Variants in CARD16 observed in about 807,000 individuals in gnomAD.
The protein encoded by CARD16 is caspase recruitment domain family member 16, also known as caspase recruitment domain-containing protein 16.
A neutral mutation model predicts 11.9 loss-of-function variants in CARD16; 8 were observed. That is an observed-to-expected ratio of 0.67 (90% confidence interval 0.39 to 1.21). CARD16 has a LOEUF of 1.21. CARD16 is among the 50% of genes most tolerant of loss of function. The probability of loss-of-function intolerance (pLI) is 0.01; values close to 1 mark genes in which losing one functional copy is unlikely to be tolerated. For missense variants in CARD16, 131 were observed against 118.1 expected (o/e 1.11, Z -0.51); for synonymous variants, 44 against 43.8 (o/e 1.00, Z -0.02).
At chr11:105,044,167 C>G in intron 2 of CARD16, 2 of 663,512 alleles carry the variant, frequency 3.0e-6, no homozygotes, top group Non-Finnish European at 2.5e-6. Flanking sequence ...AATTAGCTAC[C>G]ATGTACTCAG....
rs1354374781 is a variant in CARD16, at chr11:105,041,700, G to C, written c.*63C>G. On this transcript the variant is annotated 3_prime_UTR_variant, in exon 4 of 4. Coordinates refer to ENST00000673097, the MANE Select transcript of CARD16 (RefSeq NM_052889.4). ...TTGAGCATGTGGGCATAGCTGGGTT[G>C]TCCTGCACTGCCTGAAGAGCTGCAA... The C allele has an allele frequency of 1.9e-6, 3 of 1,613,708 alleles. No individual in the cohort carries two copies. The African/African-American group carries it at 4.0e-5, about 22-fold the overall frequency.
rs1864112814 is a variant in CARD16, at chr11:105,041,567, T to C, written c.*196A>G. On this transcript the variant is annotated 3_prime_UTR_variant, in exon 4 of 4. Transcript: ENST00000673097. The stretch of plus-strand genomic sequence containing the variant: ...ATTTCAAAACTGCCTGAAGTATATC[T>C]TTCACTCCACTTTATTATTGTATTC... The C allele has an allele frequency of 6.2e-7, 1 of 1,614,092 alleles. No homozygotes were observed. Among genetic ancestry groups the C allele is most frequent in the East Asian group, 2.2e-5 (1 of 44,886 alleles).
chr11:105,044,343 C>T (rs761733990), intron 2 of CARD16, 49 bp downstream of exon 2: 2 of 1,611,070 alleles, frequency 1.2e-6, no homozygotes, highest in South Asian at 1.1e-5. Context: ...AAATGTTAGG[C>T]ACGAAGACAG....
At chr11:105,042,689 G>A (rs928793984) in intron 3 of CARD16, among the ~76,000 whole-genome samples, 1 of 152,266 alleles carries the variant, frequency 6.6e-6, no homozygotes, top group Non-Finnish European at 1.5e-5. Flanking sequence ...TAGAAGAAAT[G>A]TTTGGTTTCT....
intron 1 of CARD16, 167 bp from the exon 2 acceptor site, chr11:105,044,825 T>C: frequency 7.9e-7 from 1 of 1,266,128 alleles, no homozygotes; most frequent in Admixed American, 2.3e-5. Flanking sequence ...TTTCCCTCAG[T>C]AGTCCCCATA....
Position 105,045,262 on chromosome 11 carries a change from A to C in CARD16, c.7+29T>G, listed in dbSNP as rs369131636. On this transcript the variant is annotated intron_variant, in intron 1 of 3. Coordinates refer to ENST00000673097, the MANE Select transcript of CARD16 (RefSeq NM_052889.4). ...TTTCCACAACTCTTTCTTCCCAGGG[A>C]CCTGTTCTTGGAACAGTAAAAGACT... The C allele has an allele frequency of 8.7e-6, 14 of 1,613,690 alleles. No homozygotes were observed. The African/African-American group carries it at 1.5e-4, about 17-fold the overall frequency.
At chr11:105,043,597 T>A in intron 2 of CARD16, 52 bp from the exon 3 acceptor site, 1 of 1,266,552 alleles carries the variant, frequency 7.9e-7, no homozygotes, top group Non-Finnish European at 1.2e-6. Flanking sequence ...TCTGGAAAAC[T>A]TTACAGCAAT....
At chr11:105,045,226 A>G in intron 1 of CARD16, 65 bp downstream of exon 1, 1 of 1,609,212 alleles carries the variant, frequency 6.2e-7, no homozygotes, top group Non-Finnish European at 8.5e-7. Flanking sequence ...GGCTTCCAGA[A>G]GAGCCAGCCC....
intron 2 of CARD16, chr11:105,044,047 G>A: frequency 2.5e-6 from 1 of 399,208 alleles, no homozygotes; most frequent in Non-Finnish European, 4.6e-6. Context: ...TAAGGGCTTA[G>A]GGACACCCTG....
At chr11:105,042,775 G>T (rs1380124749) in intron 3 of CARD16, among the ~76,000 whole-genome samples, 5 of 152,196 alleles carry the variant, frequency 3.3e-5, no homozygotes, top group African/African-American at 9.6e-5. Context: ...ACAGTATTTG[G>T]TTATATAGTG....
chr11:105,044,018 C>T (rs1864153274), intron 2 of CARD16: 1 of 327,828 alleles, frequency 3.1e-6, no homozygotes, highest in Non-Finnish European at 5.6e-6. Context: ...GACCCTAAAG[C>T]TCATGTCAAA....
At chr11:105,044,263 C>T in intron 2 of CARD16, 129 bp downstream of exon 2, 1 of 1,470,942 alleles carries the variant, frequency 6.8e-7, no homozygotes, top group East Asian at 2.3e-5. Flanking sequence ...AGGGCCTCTG[C>T]TACAGAAATA....
rs897961068 is a variant in CARD16 at position 105,041,593 on chromosome 11, T to G, written c.*170A>C. 1.9e-6 allele frequency: 3 copies of G among 1,614,116 alleles called. No homozygotes were observed. In the African/African-American group the frequency reaches 4.0e-5, roughly 22 times the overall value. On this transcript the variant is annotated 3_prime_UTR_variant, in exon 4 of 4. Transcript: ENST00000673097. Reference sequence around the variant, plus strand: ...TTCACTCCACTTTATTATTGTATTCTGAACATGGCACCTCTGCAACTTTTG... The same window carrying G: ...TTCACTCCACTTTATTATTGTATTCGGAACATGGCACCTCTGCAACTTTTG...
At chr11:105,043,615 C>T in intron 2 of CARD16, 70 bp from the exon 3 acceptor site, 1 of 1,001,382 alleles carries the variant, frequency 1.0e-6, no homozygotes, top group Non-Finnish European at 1.6e-6. Context: ...AATGCATAAG[C>T]CACTCCTCAC....
Position 105,043,534 on chromosome 11 carries a change from C to T in CARD16, c.286G>A (p.Gly96Arg), listed in dbSNP as rs765338562. The T allele has an allele frequency of 1.9e-6, 3 of 1,608,220 alleles. No individual in the cohort carries two copies. In the South Asian group the frequency reaches 3.3e-5, roughly 18 times the overall value. The change falls in exon 3 of 4, where the codon GGA (glycine) becomes AGA (arginine). Residue 96 changes from glycine (G) to arginine (R), a missense_variant. By Grantham distance (125) the Gly-to-Arg change is moderately radical (BLOSUM62 -2). Coordinates refer to ENST00000673097, the MANE Select transcript of CARD16 (RefSeq NM_052889.4). ...GAGTCTTGTGTACTAAGCTAATTTC[C>T]AGGTATCGGACCTATAAAAAGATGA... Reference protein sequence around the residue: ...TLGLSAGPIPGN With the variant: ...TLGLSAGPIPRN
intron 1 of CARD16, chr11:105,044,893 A>G (rs1046707505): frequency 3.2e-5 from 22 of 679,768 alleles, no homozygotes; most frequent in Non-Finnish European, 4.9e-5. Context: ...GTCCCTGGAA[A>G]GCAGAGATCA....
Position 105,041,587 on chromosome 11 carries a change from G to A in CARD16, c.*176C>T. The A allele has an allele frequency of 1.2e-6, 2 of 1,614,026 alleles. No individual in the cohort carries two copies. Among genetic ancestry groups the A allele is most frequent in the South Asian group, 1.1e-5 (1 of 91,090 alleles). ...ATATCTTTCACTCCACTTTATTATT[G>A]TATTCTGAACATGGCACCTCTGCAA... On this transcript the variant is annotated 3_prime_UTR_variant, in exon 4 of 4. Coordinates refer to ENST00000673097, the MANE Select transcript of CARD16 (RefSeq NM_052889.4).
intron 2 of CARD16, chr11:105,044,090 G>C: frequency 2.1e-6 from 1 of 472,234 alleles, no homozygotes; most frequent in Non-Finnish European, 3.8e-6. Flanking sequence ...AATAAATATC[G>C]TGCCTTGCCA....
In CARD16 at chr11:105,044,464, C is replaced by T. The variant is rs773612558; in HGVS notation, c.202G>A (p.Ala68Thr). The change falls in exon 2 of 4, where the codon GCA (alanine) becomes ACA (threonine). Residue 68 changes from alanine to threonine, a missense_variant. Coordinates refer to ENST00000673097, the MANE Select transcript of CARD16 (RefSeq NM_052889.4). ...ATGTATGTGATGCAAATTTGGCATG[C>T]CTGTGCCCCTTTCGGAATAACGGAG... The part of the protein sequence containing the change: ...IDSVIPKGAQ[A>T]CQICITYICE... The T allele has an allele frequency of 3.1e-6, 5 of 1,613,992 alleles. No individual in the cohort carries two copies. The highest frequency in any genetic ancestry group is 2.7e-5 in the African/African-American group (2 of 74,906).
Sources: allele counts gnomAD v4.1 joint callset (sites outside exome capture counted in the v4.1 genomes callset), GRCh38; gene constraint gnomAD v4.1.1; transcripts MANE v1.5; gene names NCBI Gene and HGNC (gene_info 2026-07-23, HGNC 2026-07-21).